Variants in VAV3 observed in about 807,000 individuals in gnomAD.
The protein encoded by VAV3 is guanine nucleotide exchange factor VAV3.
Under a neutral mutation model 131.2 loss-of-function variants are expected in VAV3, and 94 were observed. The observed-to-expected ratio is 0.72, with a 90% CI of 0.61 to 0.85. The LOEUF (loss-of-function observed/expected upper bound fraction) is 0.85, where lower values mean the gene tolerates loss of function less well. VAV3 is among the 40% of genes least tolerant of loss of function. VAV3 has a pLI of 0.00. For missense variants in VAV3, 939 were observed against 1,002.7 expected, an observed-to-expected ratio of 0.94 and a Z score of 0.86; for synonymous variants, 349 against 342.0, an observed-to-expected ratio of 1.02 and a Z score of -0.22.
chr1:107,839,060 C>T (rs969826534), intron 2 of VAV3, among the ~76,000 whole-genome samples: 5 of 152,032 alleles, frequency 3.3e-5, no homozygotes, highest in African/African-American at 9.7e-5. Context: ...CAATATACCT[C>T]TGTAACAAAC....
At chr1:107,585,222 C>T (rs909620633) in intron 25 of VAV3, among the ~76,000 whole-genome samples, 3 of 152,144 alleles carry the variant, frequency 2.0e-5, no homozygotes, top group South Asian at 2.1e-4. Context: ...GTCATAATAT[C>T]CTTTTGGATC....
intron 2 of VAV3, among the ~76,000 whole-genome samples, chr1:107,848,312 C>CAAAAA (rs34249858): frequency 1.1e-5 from 1 of 92,174 alleles, no homozygotes; most frequent in Non-Finnish European, 2.1e-5. Context: ...GACTCCGTCT[C>CAAAAA]AAAAAAAAAA....
chr1:107,765,033 G>T, intron 9 of VAV3, 43 bp downstream of exon 9: 2 of 1,373,032 alleles, frequency 1.5e-6, no homozygotes, highest in South Asian at 1.2e-5. Flanking sequence ...ATTGCTTTTA[G>T]GTTTATTTTG....
intron 2 of VAV3, among the ~76,000 whole-genome samples, chr1:107,862,052 T>C (rs1669765232): frequency 6.6e-6 from 1 of 151,686 alleles, no homozygotes; most frequent in Non-Finnish European, 1.5e-5. Flanking sequence ...GAACTTTTCA[T>C]GTCCAAAGAG....
intron 12 of VAV3, among the ~76,000 whole-genome samples, chr1:107,753,861 A>G (rs1191579012): frequency 1.3e-5 from 2 of 152,016 alleles, no homozygotes; most frequent in Non-Finnish European, 2.9e-5. Context: ...CACCCGGCCA[A>G]TGCTATATAT....
Position 107,573,194 on chromosome 1 carries a change from A to G in VAV3, c.*137T>C. The G allele has an allele frequency of 1.1e-6, 1 of 877,274 alleles. No homozygotes were observed. The highest frequency in any genetic ancestry group is 1.8e-6 in the Non-Finnish European group (1 of 571,128). 54.3% of individuals were successfully genotyped at this position (877,274 alleles called of 1,614,324 possible). ...AGAAATCTCAGCATTAAGACTTAGG[A>G]GGGGCTAAGGAGGGAGGATGTTGAA... On this transcript the variant is annotated 3_prime_UTR_variant, in exon 27 of 27. Transcript: ENST00000370056.
intron 1 of VAV3, among the ~76,000 whole-genome samples, chr1:107,892,188 C>G (rs1571103035): frequency 1.3e-5 from 2 of 152,186 alleles, no homozygotes; most frequent in Admixed American, 1.3e-4. Flanking sequence ...TCATTTAACC[C>G]ATGAGAGTCT....
intron 19 of VAV3, among the ~76,000 whole-genome samples, chr1:107,674,701 C>T (rs1658067494): frequency 6.6e-6 from 1 of 152,194 alleles, no homozygotes; most frequent in African/African-American, 2.4e-5. Flanking sequence ...GTTCCCTCTG[C>T]TGAAAAACCC....
At chr1:107,782,630 T>A (rs559982686) in intron 2 of VAV3, among the ~76,000 whole-genome samples, 1 of 152,238 alleles carries the variant, frequency 6.6e-6, no homozygotes, top group Non-Finnish European at 1.5e-5. Flanking sequence ...CTCAGTTTTG[T>A]GTCTATGCTA....
chr1:107,802,772 T>TTG (rs1666885409), intron 2 of VAV3, among the ~76,000 whole-genome samples: 1 of 152,154 alleles, frequency 6.6e-6, no homozygotes, highest in Non-Finnish European at 1.5e-5. Flanking sequence ...GTATCTGTGT[T>TTG]TATCAGTGAT....
intron 19 of VAV3, among the ~76,000 whole-genome samples, chr1:107,652,070 C>T (rs1011651382): frequency 6.6e-6 from 1 of 152,156 alleles, no homozygotes; most frequent in African/African-American, 2.4e-5. Flanking sequence ...GCTGCACTCC[C>T]AGACGGTTAA....
intron 19 of VAV3, chr1:107,668,996 G>A (rs1486383807): frequency 1.0e-6 from 1 of 997,874 alleles, no homozygotes; most frequent in East Asian, 1.1e-4. Flanking sequence ...GATTTCTAAG[G>A]GAGTCAGCGC....
intron 2 of VAV3, among the ~76,000 whole-genome samples, chr1:107,854,146 T>C (rs916231412): frequency 6.6e-6 from 1 of 151,998 alleles, no homozygotes; most frequent in African/African-American, 2.4e-5. Context: ...CCATCTCTGC[T>C]AAAAAATACA....
chr1:107,802,808 G>A (rs1316392869), intron 2 of VAV3, among the ~76,000 whole-genome samples: 1 of 151,040 alleles, frequency 6.6e-6, no homozygotes, highest in African/African-American at 2.4e-5. Context: ...ACTTTCTGTT[G>A]TGTGCTTGTC....
At chr1:107,934,353 C>A (rs1464958229) in intron 1 of VAV3, among the ~76,000 whole-genome samples, 1 of 152,212 alleles carries the variant, frequency 6.6e-6, no homozygotes, top group Non-Finnish European at 1.5e-5. Flanking sequence ...GACTTGTGAT[C>A]TGGACCAAAA....
At chr1:107,688,704 G>T (rs1400345712) in intron 17 of VAV3, among the ~76,000 whole-genome samples, 1 of 152,138 alleles carries the variant, frequency 6.6e-6, no homozygotes, top group Non-Finnish European at 1.5e-5. Flanking sequence ...CCTTAAAACA[G>T]GGGCTTACAC....
intron 2 of VAV3, among the ~76,000 whole-genome samples, chr1:107,867,249 T>C (rs1670030941): frequency 2.0e-5 from 3 of 152,222 alleles, no homozygotes; most frequent in Admixed American, 2.0e-4. Flanking sequence ...GTCTTTAGTT[T>C]ACAGAAGAGT....
intron 2 of VAV3, among the ~76,000 whole-genome samples, chr1:107,832,416 C>T (rs1049648960): frequency 5.3e-5 from 8 of 152,170 alleles, no homozygotes; most frequent in Non-Finnish European, 7.3e-5. Flanking sequence ...GTTTGGAATT[C>T]GTGGACCGGG....
chr1:107,956,266 G>A (rs923889325), intron 1 of VAV3, among the ~76,000 whole-genome samples: 1 of 152,224 alleles, frequency 6.6e-6, no homozygotes, highest in Non-Finnish European at 1.5e-5. Context: ...GGGTGATTAA[G>A]TTAAGTTTAA....
Sources: allele counts gnomAD v4.1 joint callset (sites outside exome capture counted in the v4.1 genomes callset), GRCh38; gene constraint gnomAD v4.1.1; transcripts MANE v1.5; gene names NCBI Gene and HGNC (gene_info 2026-07-23, HGNC 2026-07-21).